Variants in NRXN3 observed in about 807,000 individuals in gnomAD.
The protein encoded by NRXN3 is neurexin III.
Under a neutral mutation model 137.6 loss-of-function variants are expected in NRXN3, and 32 were observed. That is an observed-to-expected ratio of 0.23 (90% confidence interval 0.18 to 0.31). The LOEUF (loss-of-function observed/expected upper bound fraction) is 0.31, where lower values mean the gene tolerates loss of function less well. Ranked by LOEUF, NRXN3 falls within the 10% of genes least tolerant of loss-of-function variation. The pLI is 1.00. For synonymous variants in NRXN3, 798 were observed against 784.5 expected, an observed-to-expected ratio of 1.02 and a Z score of -0.29; for missense variants, 1,574 against 2,062.5, an observed-to-expected ratio of 0.76 and a Z score of 4.59.
chr14:78,198,903 A>G (rs1997557), intron 1 of NRXN3, among the ~76,000 whole-genome samples: 45,822 of 152,082 alleles, frequency 0.3, 7,598 homozygotes, highest in East Asian at 0.51. Context: ...AGCTTGGTTC[A>G]TGGCTGGCAG....
At chr14:79,062,572 T>A (rs1282552836) in intron 15 of NRXN3, among the ~76,000 whole-genome samples, 1 of 152,146 alleles carries the variant, frequency 6.6e-6, no homozygotes, top group Non-Finnish European at 1.5e-5. Context: ...TCGTTAGGGA[T>A]GAGGGAGCAA....
intron 8 of NRXN3, among the ~76,000 whole-genome samples, chr14:78,757,610 A>G (rs528135600): frequency 1.3e-5 from 2 of 152,248 alleles, no homozygotes; most frequent in East Asian, 3.9e-4. Context: ...TGCATTTCCC[A>G]AAGGAGGATG....
At chr14:79,284,343 C>CATAT (rs60596302) in intron 15 of NRXN3, among the ~76,000 whole-genome samples, 4,870 of 64,698 alleles carry the variant, frequency 0.075, 413 homozygotes, top group Middle Eastern at 0.096. Flanking sequence ...ACTAAAAATA[C>CATAT]ATATATATAT....
chr14:79,401,850 G>GAAA (rs201841768), intron 15 of NRXN3, among the ~76,000 whole-genome samples: 1 of 130,344 alleles, frequency 7.7e-6, no homozygotes, highest in Admixed American at 7.8e-5. Context: ...TCCTGGTAAT[G>GAAA]AAAAAAAAAA....
chr14:78,986,591 TA>T (rs2099505938), intron 14 of NRXN3, among the ~76,000 whole-genome samples: 1 of 152,208 alleles, frequency 6.6e-6, no homozygotes, highest in Non-Finnish European at 1.5e-5. Flanking sequence ...ATTATTCTTA[TA>T]TATTAACATA....
At position 79,452,037 on chromosome 14, in the gene NRXN3, T is replaced by TGA. The variant is rs368833840; in HGVS notation, c.3263-15181_3263-15180dup. ...CCCAATGTGCAGCAAAAGCTGAGCC[T>TGA]GAGATAAGGACAGACAGGATATATG... On this transcript the variant is annotated intron_variant, in intron 15 of 20. Transcript: ENST00000335750. Among the ~76,000 whole-genome samples, 976 of 152,216 alleles carry TGA rather than the reference T, an allele frequency of 6.4e-3. 8 individuals carry two copies. The highest frequency in any genetic ancestry group is 0.022 in the African/African-American group (903 of 41,534).
At chr14:79,580,752 A>T (rs1205804749) in intron 16 of NRXN3, among the ~76,000 whole-genome samples, 1 of 152,202 alleles carries the variant, frequency 6.6e-6, no homozygotes, top group South Asian at 2.1e-4. Flanking sequence ...CTTAAAAAAA[A>T]GTCTCCTGAT....
chr14:78,656,991 G>A (rs960677105), intron 6 of NRXN3, among the ~76,000 whole-genome samples: 2 of 137,416 alleles, frequency 1.5e-5, no homozygotes. Context: ...AGCTTGCAGT[G>A]AGCCGAGATC....
intron 15 of NRXN3, among the ~76,000 whole-genome samples, chr14:79,381,885 T>C (rs944912354): frequency 3.3e-5 from 5 of 152,184 alleles, no homozygotes; most frequent in Non-Finnish European, 7.3e-5. Flanking sequence ...CTTCCATATA[T>C]AATACAACTT....
chr14:79,709,119 G>C (rs550346640), intron 19 of NRXN3, among the ~76,000 whole-genome samples: 1 of 152,104 alleles, frequency 6.6e-6, no homozygotes, highest in African/African-American at 2.4e-5. Context: ...TTTAATGCAC[G>C]TCCGGGGTGG....
At chr14:78,487,250 T>A (rs947011099) in intron 4 of NRXN3, among the ~76,000 whole-genome samples, 1 of 152,188 alleles carries the variant, frequency 6.6e-6, no homozygotes. Flanking sequence ...CAGTTCTAAT[T>A]CCACCCTGAA....
chr14:79,073,624 C>G (rs1247876136), intron 15 of NRXN3, among the ~76,000 whole-genome samples: 1 of 152,094 alleles, frequency 6.6e-6, no homozygotes, highest in African/African-American at 2.4e-5. Context: ...TTAACAACAG[C>G]CTTTTCTTTT....
chr14:79,009,362 C>T (rs1476514129), intron 15 of NRXN3, among the ~76,000 whole-genome samples: 1 of 152,138 alleles, frequency 6.6e-6, no homozygotes, highest in African/African-American at 2.4e-5. Flanking sequence ...TATTTTGCTT[C>T]TTGGTTAGCT....
intron 4 of NRXN3, among the ~76,000 whole-genome samples, chr14:78,405,431 T>C (rs1197781621): frequency 6.6e-6 from 1 of 152,180 alleles, no homozygotes; most frequent in African/African-American, 2.4e-5. Flanking sequence ...AGGAAGATCA[T>C]ATTTCCCTTC....
chr14:79,106,231 C>A (rs1276028577), intron 15 of NRXN3, among the ~76,000 whole-genome samples: 1 of 152,042 alleles, frequency 6.6e-6, no homozygotes, highest in Non-Finnish European at 1.5e-5. Flanking sequence ...TCATAATCTT[C>A]CAACAAAATG....
intron 4 of NRXN3, among the ~76,000 whole-genome samples, chr14:78,505,263 A>G (rs2095965197): frequency 6.6e-6 from 1 of 152,132 alleles, no homozygotes; most frequent in Non-Finnish European, 1.5e-5. Context: ...TGCTTTTGTT[A>G]TGGAGTTACA....
intron 4 of NRXN3, among the ~76,000 whole-genome samples, chr14:78,439,109 G>A (rs1220468612): frequency 1.3e-5 from 2 of 152,130 alleles, no homozygotes; most frequent in African/African-American, 2.4e-5. Flanking sequence ...AGTGGGGCTT[G>A]ATCATGTTTG....
chr14:78,891,471 A>G (rs2152703052), intron 10 of NRXN3, among the ~76,000 whole-genome samples: 1 of 152,016 alleles, frequency 6.6e-6, no homozygotes, highest in African/African-American at 2.4e-5. Flanking sequence ...TAACGTCTAC[A>G]GTGACGTCAG....
At chr14:79,275,080 G>A (rs1222133879) in intron 15 of NRXN3, among the ~76,000 whole-genome samples, 1 of 152,162 alleles carries the variant, frequency 6.6e-6, no homozygotes, top group African/African-American at 2.4e-5. Flanking sequence ...GCAGAAGGAT[G>A]AATTATGTGG....
Sources: gnomAD v4.1 joint callset for allele counts (sites outside exome capture counted in the v4.1 genomes callset) on GRCh38, gnomAD v4.1.1 for gene constraint, MANE v1.5 for transcripts, NCBI Gene and HGNC (gene_info 2026-07-23, HGNC 2026-07-21) for gene names.